The following ATP8B4 variants were observed in gnomAD, a reference collection of about 807,000 sequenced individuals.
The protein encoded by ATP8B4 is probable phospholipid-transporting ATPase IM.
ATP8B4 carries 133 observed loss-of-function variants against 145.6 expected under a neutral mutation model. The observed-to-expected ratio is 0.91, with a 90% CI of 0.79 to 1.05. The LOEUF (loss-of-function observed/expected upper bound fraction) is 1.05. Among genes scored for constraint, ATP8B4 ranks in the 50% least tolerant of loss-of-function variants. ATP8B4 has a pLI of 0.00. For synonymous variants in ATP8B4, 507 were observed against 492.9 expected, an observed-to-expected ratio of 1.03 and a Z score of -0.38; for missense variants, 1,458 against 1,425.2, an observed-to-expected ratio of 1.02 and a Z score of -0.37.
At position 49,866,398 on chromosome 15, in the gene ATP8B4, T is replaced by C. The variant is rs778244853; in HGVS notation, c.3114A>G (p.Thr1038=). Residue 1038 remains threonine, a synonymous_variant, in exon 26 of 28, where the codon ACA becomes ACG. Transcript: ENST00000284509. ...TGCCAAAGATGCCATTACTGTGCAT[T>C]GTAAATAAAATGGAGAAATAAATGG... ...SIAIYFSILF[T]MHSNGIFGIF... is the part of the protein sequence containing the mutation. 17 of 1,613,872 alleles carry C rather than the reference T, an allele frequency of 1.1e-5. No individual in the cohort carries two copies. Among genetic ancestry groups the C allele is most frequent in the Middle Eastern group, 1.6e-4 (1 of 6,082 alleles).
rs146205776 is a variant in ATP8B4 at position 49,943,590 on chromosome 15, T to C, written c.1288-9408A>G. Among the ~76,000 whole-genome samples, 384 of 152,152 alleles carry C rather than the reference T, an allele frequency of 2.5e-3. 4 individuals are homozygous for C. The highest frequency in any genetic ancestry group is 9.0e-3 in the African/African-American group (374 of 41,512). ...TATTTTCAAAGGACTGAAAAAAACA[T>C]CTGCCAACAAAGAATAACAGACCCA... On this transcript the variant is annotated intron_variant, in intron 14 of 27. Transcript: ENST00000284509.
At position 49,917,055 on chromosome 15, in the gene ATP8B4, G is replaced by A; in HGVS notation, c.2036-16C>T. ...ATGGCAGTTTCTAACACAAAATAAA[G>A]CCCAATTCAGTTAAAATGTTACTTA... On this transcript the variant is annotated splice_polypyrimidine_tract_variant and intron_variant, in intron 19 of 27. Transcript: ENST00000284509. 1 of 1,608,770 alleles carries A rather than the reference G, an allele frequency of 6.2e-7. No homozygotes were observed. The highest frequency in any genetic ancestry group is 1.1e-5 in the South Asian group (1 of 90,890).
At chr15:50,044,769 A>T in intron 4 of ATP8B4, 77 bp from the exon 5 acceptor site, 1 of 993,334 alleles carries the variant, frequency 1.0e-6, no homozygotes, top group Non-Finnish European at 1.5e-6. Flanking sequence ...ATTTAATTTC[A>T]AATTAATGGG....
At chr15:50,143,752 G>C (rs1214272231) in intron 1 of ATP8B4, among the ~76,000 whole-genome samples, 1 of 152,140 alleles carries the variant, frequency 6.6e-6, no homozygotes, top group African/African-American at 2.4e-5. Context: ...AGGGAGGGAT[G>C]ATTCTGCATT....
At chr15:49,951,492 C>G (rs545409180) in intron 14 of ATP8B4, among the ~76,000 whole-genome samples, 1 of 151,890 alleles carries the variant, frequency 6.6e-6, no homozygotes, top group Admixed American at 6.6e-5. Flanking sequence ...GTTTAAAGTC[C>G]GATTTGTCAG....
In ATP8B4 at chr15:49,972,633, T is replaced by C. The variant is rs1294601600; in HGVS notation, c.1192A>G (p.Thr398Ala). The change falls in exon 13 of 28, where the codon ACT (threonine) becomes GCT (alanine). Residue 398 changes from threonine to alanine, a missense_variant. Coordinates refer to ENST00000284509, the MANE Select transcript of ATP8B4 (RefSeq NM_024837.4). ...CTTTTAAAGGTCATGATGTTTTGAG[T>C]GAGGGTACCCGTTTTGTCGGAGAAA... ...YIFSDKTGTL[T>A]QNIMTFKRCS... is the part of the protein sequence containing the mutation. The C allele has an allele frequency of 6.2e-7, 1 of 1,613,854 alleles. No homozygotes were observed. The highest frequency in any genetic ancestry group is 1.3e-5 in the African/African-American group (1 of 74,890).
intron 6 of ATP8B4, among the ~76,000 whole-genome samples, chr15:50,023,779 C>CAAAAAAAAAAAAAAAAGAAAAAA (rs2049778895): frequency 1.3e-5 from 1 of 75,056 alleles, no homozygotes; most frequent in East Asian, 3.8e-4. Context: ...AGACCAAAGG[C>CAAAAAAAAAAAAAAAAGAAAAAA]AAAAAAAAAA....
chr15:50,157,574 T>C (rs562528580), intron 1 of ATP8B4, among the ~76,000 whole-genome samples: 1 of 152,314 alleles, frequency 6.6e-6, no homozygotes, highest in Admixed American at 6.5e-5. Context: ...TTGTTGTTTG[T>C]TTGTTTGTTT....
At chr15:50,035,008 A>T (rs2050732411) in intron 6 of ATP8B4, among the ~76,000 whole-genome samples, 1 of 152,234 alleles carries the variant, frequency 6.6e-6, no homozygotes, top group African/African-American at 2.4e-5. Flanking sequence ...GAATCATGCC[A>T]CCGCTACTTA....
intron 13 of ATP8B4, among the ~76,000 whole-genome samples, chr15:49,963,980 C>A (rs1031884310): frequency 6.6e-6 from 1 of 151,938 alleles, no homozygotes; most frequent in Non-Finnish European, 1.5e-5. Flanking sequence ...AATAAACTTG[C>A]AAAGTGAAGA....
At chr15:49,877,737 A>G (rs919192134) in intron 24 of ATP8B4, among the ~76,000 whole-genome samples, 1 of 152,206 alleles carries the variant, frequency 6.6e-6, no homozygotes, top group Non-Finnish European at 1.5e-5. Context: ...CACCTCCCAC[A>G]TGGAACTATC....
chr15:49,967,797 A>C (rs1054412282), intron 13 of ATP8B4, among the ~76,000 whole-genome samples: 1 of 152,216 alleles, frequency 6.6e-6, no homozygotes, highest in Non-Finnish European at 1.5e-5. Flanking sequence ...CTCCTTGAGA[A>C]GAGCAACTCC....
rs769713406 is a variant in ATP8B4 at position 49,931,127 on chromosome 15, G to C, written c.1634C>G (p.Ser545Cys). 2.5e-6 allele frequency: 4 copies of C among 1,610,536 alleles called. No individual in the cohort carries two copies. The Admixed American group carries it at 6.7e-5, about 27-fold the overall frequency. Residue 545 changes from serine (S) to cysteine (C), a missense_variant, in exon 16 of 28, where the codon TCT (serine) becomes TGT (cysteine). By Grantham distance (112) the Ser-to-Cys change is moderately radical. Coordinates refer to ENST00000284509, the MANE Select transcript of ATP8B4 (RefSeq NM_024837.4). ...LDFNNTRKRM[S>C]VIVRNPEGQI... ...TTAGCTACCAACCATACCTATGACA[G>C]ACATCCTTTTTCTGGTGTTGTTGAA...
In ATP8B4 at chr15:49,859,771, T is replaced by C. The variant is rs1257047375; in HGVS notation, c.*423A>G. Reference sequence around the variant, plus strand: ...CCTTGGGAAAGGCTGATCTTACAGATACATGTTTATCTGTCAATAGGCATG... The same window carrying C: ...CCTTGGGAAAGGCTGATCTTACAGACACATGTTTATCTGTCAATAGGCATG... On this transcript the variant is annotated 3_prime_UTR_variant, in exon 28 of 28. Coordinates refer to ENST00000284509, the MANE Select transcript of ATP8B4 (RefSeq NM_024837.4). 1 of 161,298 alleles carries C rather than the reference T, an allele frequency of 6.2e-6. No homozygotes were observed. Among genetic ancestry groups the C allele is most frequent in the Non-Finnish European group, 1.4e-5 (1 of 73,738 alleles). The allele number at this position is 161,298 out of a possible 1,614,324, so 10.0% of individuals were successfully genotyped here. A position where few individuals can be genotyped will look rare whatever the true frequency, so the allele number is the denominator to read the frequency against.
intron 1 of ATP8B4, among the ~76,000 whole-genome samples, chr15:50,125,176 A>G (rs2057299139): frequency 6.6e-6 from 1 of 152,142 alleles, no homozygotes; most frequent in African/African-American, 2.4e-5. Context: ...AGAACAATGA[A>G]CCCGATCTGG....
intron 23 of ATP8B4, chr15:49,895,582 C>G (rs1305154034): frequency 6.6e-6 from 1 of 152,220 alleles, no homozygotes; most frequent in Non-Finnish European, 1.5e-5. Context: ...TAATCACAGA[C>G]AGGTGGTGTG....
chr15:50,113,838 C>CAAAAAAAAAAAAAAAA (rs67648465), intron 1 of ATP8B4, among the ~76,000 whole-genome samples: 1 of 67,274 alleles, frequency 1.5e-5, no homozygotes, highest in African/African-American at 6.5e-5. Context: ...AACTCCATCT[C>CAAAAAAAAAAAAAAAA]AAAAAAAAAA....
intron 1 of ATP8B4, among the ~76,000 whole-genome samples, chr15:50,144,047 C>T (rs1163822397): frequency 6.6e-6 from 1 of 152,092 alleles, no homozygotes; most frequent in Non-Finnish European, 1.5e-5. Flanking sequence ...TTCATGGTGC[C>T]CTGGAAGCTG....
chr15:49,937,306 A>T (rs1424561966), intron 14 of ATP8B4, among the ~76,000 whole-genome samples: 2 of 152,164 alleles, frequency 1.3e-5, no homozygotes, highest in Non-Finnish European at 2.9e-5. Context: ...AAGATCAAGG[A>T]TGTAGCAGAC....
Sources: allele counts gnomAD v4.1 joint callset (sites outside exome capture counted in the v4.1 genomes callset), GRCh38; gene constraint gnomAD v4.1.1; transcripts MANE v1.5; gene names NCBI Gene and HGNC (gene_info 2026-07-23, HGNC 2026-07-21).